The following CEMIP2 variants were observed in gnomAD, a reference collection of about 807,000 sequenced individuals.
The protein encoded by CEMIP2 is cell surface hyaluronidase CEMIP2.
Under a neutral mutation model 146.9 loss-of-function variants are expected in CEMIP2, and 79 were observed. The ratio of observed to expected loss-of-function variants is 0.54; its 90% CI spans 0.45 to 0.65. The LOEUF (loss-of-function observed/expected upper bound fraction) is 0.65. Ranked by LOEUF, CEMIP2 falls within the 30% of genes least tolerant of loss-of-function variation. The probability of loss-of-function intolerance (pLI) is 0.00; values close to 1 mark genes in which losing one functional copy is unlikely to be tolerated. For missense variants in CEMIP2, 1,596 were observed against 1,696.2 expected, an observed-to-expected ratio of 0.94 and a Z score of 1.04; for synonymous variants, 601 against 606.3, an observed-to-expected ratio of 0.99 and a Z score of 0.13.
intron 10 of CEMIP2, among the ~76,000 whole-genome samples, chr9:71,728,261 G>GTGTATATATATATATATGTGTATA (rs1823471996): frequency 2.0e-4 from 1 of 5,028 alleles, no homozygotes; most frequent in African/African-American, 5.3e-4. Flanking sequence ...GTATATACAC[G>GTGTATATATATATATATGTGTATA]TATATATATA....
chr9:71,746,258 C>T lies in CEMIP2; in HGVS notation c.415G>A (p.Asp139Asn). 6.2e-7 allele frequency: 1 copy of T among 1,614,004 alleles called. No individual in the cohort carries two copies. Among genetic ancestry groups the T allele is most frequent in the South Asian group, 1.1e-5 (1 of 91,076 alleles). Residue 139 changes from aspartate (D) to asparagine (N), a missense_variant, in exon 3 of 24, where the codon GAT becomes AAT. Coordinates refer to ENST00000377044, the MANE Select transcript of CEMIP2 (RefSeq NM_013390.3). Reference sequence around the variant, plus strand: ...GCGTCTGAGGTCAGACGGAGCATATCTCCCTCCTTGATAACAACTTGCTTT... The same window carrying T: ...GCGTCTGAGGTCAGACGGAGCATATTTCCCTCCTTGATAACAACTTGCTTT... ...SAKQVVIKEGDMLRLTSDATV... is the reference protein window; with the variant it reads ...SAKQVVIKEGNMLRLTSDATV...
intron 14 of CEMIP2, among the ~76,000 whole-genome samples, chr9:71,716,237 A>G (rs1011365668): frequency 6.6e-6 from 1 of 151,816 alleles, no homozygotes; most frequent in Admixed American, 6.6e-5. Context: ...TTTTTCCCCT[A>G]CTTTTTAAAA....
intron 10 of CEMIP2, among the ~76,000 whole-genome samples, 199 bp from the exon 11 acceptor site, chr9:71,725,908 T>C (rs1001260054): frequency 2.0e-5 from 3 of 152,156 alleles, no homozygotes; most frequent in Admixed American, 1.3e-4. Context: ...AAAAAGCAAA[T>C]TTAATTTTGC....
intron 22 of CEMIP2, chr9:71,687,066 T>G (rs1822083875): frequency 6.6e-6 from 1 of 152,244 alleles, no homozygotes; most frequent in Non-Finnish European, 1.5e-5. Flanking sequence ...ATCTTGCTCT[T>G]CTCTGCCAAA....
chr9:71,709,503 C>A (rs753837600), intron 16 of CEMIP2, 29 bp from the exon 17 acceptor site: 1 of 1,590,742 alleles, frequency 6.3e-7, no homozygotes, highest in Admixed American at 1.7e-5. Flanking sequence ...AAAGACATCA[C>A]AAAGTGAGGG....
chr9:71,735,650 G>T (rs1823740968), intron 5 of CEMIP2, among the ~76,000 whole-genome samples: 2 of 152,178 alleles, frequency 1.3e-5, no homozygotes, highest in Middle Eastern at 3.4e-3. Context: ...AGGTATGGTG[G>T]TGTGTGCCTA....
chr9:71,761,684 G>T (rs2132044532), intron 1 of CEMIP2, among the ~76,000 whole-genome samples: 1 of 152,284 alleles, frequency 6.6e-6, no homozygotes, highest in Middle Eastern at 3.4e-3. Flanking sequence ...AAAGGGTTCT[G>T]CTAGACACTG....
In CEMIP2 at chr9:71,745,294, G is replaced by A. The variant is rs759392770; in HGVS notation, c.758C>T (p.Pro253Leu). Residue 253 changes from proline (P) to leucine (L), a missense_variant, in exon 4 of 24, where the codon CCC (proline) becomes CTC (leucine). By Grantham distance (98) the Pro-to-Leu change is moderately conservative. Coordinates refer to ENST00000377044, the MANE Select transcript of CEMIP2 (RefSeq NM_013390.3). ...CTTTTCAAAGGTATAGGACCCAAAG[G>A]GCAAGCCTGAGGAATTCAGGGTCCT... ...LARTLNSSGL[P>L]FGSYTFEKDF... 2 of 1,613,896 alleles carry A rather than the reference G, an allele frequency of 1.2e-6. No individual in the cohort carries two copies. Among genetic ancestry groups the A allele is most frequent in the African/African-American group, 1.3e-5 (1 of 75,000 alleles).
In CEMIP2 at chr9:71,741,631, G is replaced by GTTTTTTTTTTTTTT. The variant is rs11334265; in HGVS notation, c.1035-1413_1035-1400dup. On this transcript the variant is annotated intron_variant, in intron 4 of 23. Coordinates refer to ENST00000377044, the MANE Select transcript of CEMIP2 (RefSeq NM_013390.3). ...CACCATTATTTCTTTTTCTTTTCTG[G>GTTTTTTTTTTTTTT]TTTTTTTTTTTTTTTTTTTTTTTTG... Among the ~76,000 whole-genome samples the GTTTTTTTTTTTTTT allele has an allele frequency of 1.5e-4, 11 of 73,124 alleles. 1 individual carries two copies. The highest frequency in any genetic ancestry group is 5.4e-4 in the South Asian group (1 of 1,838). 48.0% of individuals were successfully genotyped at this position (73,124 alleles called of 152,430 possible). A position where few individuals can be genotyped will look rare whatever the true frequency, so the allele number is the denominator to read the frequency against.
chr9:71,726,505 C>T (rs1444136500), intron 10 of CEMIP2, among the ~76,000 whole-genome samples: 2 of 152,158 alleles, frequency 1.3e-5, no homozygotes, highest in Non-Finnish European at 2.9e-5. Context: ...ATTCAGCACA[C>T]ATTTATTTAG....
At chr9:71,685,899 A>G in intron 22 of CEMIP2, 53 bp from the exon 23 acceptor site, 1 of 1,252,100 alleles carries the variant, frequency 8.0e-7, no homozygotes, top group East Asian at 2.3e-5. Flanking sequence ...CAGCATGAGT[A>G]TCTTTCTACT....
At chr9:71,750,018 T>G (rs1237261975) in intron 2 of CEMIP2, 25 bp downstream of exon 2, 1 of 1,552,216 alleles carries the variant, frequency 6.4e-7, no homozygotes. Context: ...TAGAATATGT[T>G]CTATGTGCAT....
intron 4 of CEMIP2, among the ~76,000 whole-genome samples, chr9:71,741,265 C>T (rs574732586): frequency 5.9e-5 from 8 of 136,296 alleles, no homozygotes; most frequent in Admixed American, 4.1e-4. Flanking sequence ...GGCGCAATCT[C>T]GGCTCACCGC....
chr9:71,750,712 G>T (rs957994111), intron 1 of CEMIP2, among the ~76,000 whole-genome samples: 1 of 151,708 alleles, frequency 6.6e-6, no homozygotes, highest in African/African-American at 2.4e-5. Context: ...CTCCCAAAGT[G>T]CTGGGATTAC....
intron 5 of CEMIP2, 101 bp downstream of exon 5, chr9:71,739,962 C>T (rs1427211506): frequency 8.9e-7 from 1 of 1,121,828 alleles, no homozygotes. Flanking sequence ...AGAAATCTAA[C>T]CAGGCGGACT....
intron 1 of CEMIP2, among the ~76,000 whole-genome samples, chr9:71,755,960 AC>A (rs1564027563): frequency 3.6e-5 from 4 of 109,958 alleles, no homozygotes; most frequent in South Asian, 4.3e-4. Flanking sequence ...ACTCTGTCTC[AC>A]AAAAAAAAAA....
intron 5 of CEMIP2, among the ~76,000 whole-genome samples, chr9:71,738,573 C>A (rs1478093736): frequency 6.6e-6 from 1 of 151,396 alleles, no homozygotes; most frequent in African/African-American, 2.4e-5. Context: ...GGTATGGTGG[C>A]TCACGCCTGT....
Position 71,690,154 on chromosome 9 carries a change from C to T in CEMIP2, c.3789G>A (p.Thr1263=), listed in dbSNP as rs549010792. 10 of 1,614,094 alleles carry T rather than the reference C, an allele frequency of 6.2e-6. No homozygotes were observed. The highest frequency in any genetic ancestry group is 2.2e-5 in the East Asian group (1 of 44,878). The change falls in exon 22 of 24, where the codon ACG becomes ACA. Residue 1263 remains threonine, a synonymous_variant. Coordinates refer to ENST00000377044, the MANE Select transcript of CEMIP2 (RefSeq NM_013390.3). ...GACTGACATCAGCAAGAGGAAAAAC[C>T]GTTTTTTCCGTCAAGCGGAATGGAA... ...CSVPFRLTEK[T]VFPLADVSRI...
chr9:71,707,908 C>T lies in CEMIP2; in HGVS notation c.2985+1351G>A, dbSNP rs144690683. Among the ~76,000 whole-genome samples the T allele has an allele frequency of 4.0e-3, 613 of 152,262 alleles. 9 individuals are homozygous for T. In the East Asian group the frequency reaches 0.054, roughly 13 times the overall value. On this transcript the variant is annotated intron_variant, in intron 17 of 23. Transcript: ENST00000377044. ...TGACAGTCTATTATTAAATCCTGGCCGGGCGCGGTGGCTCACGCCTGTAAT... is the reference window on the plus strand; with the variant it reads ...TGACAGTCTATTATTAAATCCTGGCTGGGCGCGGTGGCTCACGCCTGTAAT...
Sources: allele counts gnomAD v4.1 joint callset (sites outside exome capture counted in the v4.1 genomes callset), GRCh38; gene constraint gnomAD v4.1.1; transcripts MANE v1.5; gene names NCBI Gene and HGNC (gene_info 2026-07-23, HGNC 2026-07-21).